GPR143: variants seen among roughly 807,000 people sequenced by gnomAD.
GPR143 encodes the protein G-protein coupled receptor 143.
In GPR143, 8 loss-of-function variants were observed where a neutral mutation model predicts 27.6. The observed-to-expected ratio is 0.29, with a 90% CI of 0.17 to 0.52. The LOEUF is 0.52. Among genes scored for constraint, GPR143 ranks in the 20% least tolerant of loss-of-function variants. GPR143 has a pLI of 0.96. For missense variants in GPR143, 303 were observed against 343.1 expected, an observed-to-expected ratio of 0.88 and a Z score of 0.92; for synonymous variants, 156 against 153.2, an observed-to-expected ratio of 1.02 and a Z score of -0.13.
intron 6 of GPR143, among the ~76,000 whole-genome samples, chrX:9,741,940 G>T (rs774492150): frequency 1.8e-5 from 2 of 111,318 alleles, no homozygotes; most frequent in South Asian, 7.6e-4. Flanking sequence ...AGCACACTAA[G>T]AATTTAATTT....
At chrX:9,762,261 G>A (rs1249786602) in intron 1 of GPR143, among the ~76,000 whole-genome samples, 2 of 109,628 alleles carry the variant, frequency 1.8e-5, no homozygotes, top group Admixed American at 9.8e-5. Flanking sequence ...ACGGTGGTGG[G>A]CACCTATAAT....
chrX:9,725,972 C>T (rs148614195), intron 8 of GPR143, 132 bp from the exon 9 acceptor site: 4 of 409,955 alleles, frequency 9.8e-6, no homozygotes, highest in Non-Finnish European at 8.8e-6. Flanking sequence ...TAGCATTCAT[C>T]TCATCTGCAA....
At chrX:9,729,383 C>T in intron 8 of GPR143, among the ~76,000 whole-genome samples, 1 of 111,674 alleles carries the variant, frequency 9.0e-6, no homozygotes, top group Non-Finnish European at 1.9e-5. Context: ...AGGACACTCC[C>T]CCGTGACCTC....
intron 1 of GPR143, among the ~76,000 whole-genome samples, chrX:9,777,968 G>A (rs1003215732): frequency 1.8e-5 from 2 of 110,517 alleles, no homozygotes; most frequent in Admixed American, 9.7e-5. Context: ...GTGGGCACCT[G>A]TAGTCCCAGC....
intron 1 of GPR143, among the ~76,000 whole-genome samples, chrX:9,763,079 C>T (rs2083510363): frequency 3.7e-5 from 4 of 109,133 alleles, no homozygotes; most frequent in Middle Eastern, 4.7e-3. Context: ...GTGCATCCCA[C>T]CATGACGGGC....
intron 2 of GPR143, among the ~76,000 whole-genome samples, chrX:9,759,808 G>A (rs1237557911): frequency 9.0e-6 from 1 of 111,592 alleles, no homozygotes; most frequent in East Asian, 2.8e-4. Context: ...GGAGTAAGGG[G>A]ACTCCAGTGT....
At chrX:9,733,680 A>C (rs1208204783) in intron 8 of GPR143, among the ~76,000 whole-genome samples, 1 of 111,742 alleles carries the variant, frequency 8.9e-6, no homozygotes, top group Non-Finnish European at 1.9e-5. Context: ...AAGAAGAGGA[A>C]TTGAGGGACA....
chrX:9,740,628 T>C (rs956937572), intron 7 of GPR143, among the ~76,000 whole-genome samples: 11 of 112,285 alleles, frequency 9.8e-5, no homozygotes, highest in African/African-American at 3.6e-4. Flanking sequence ...GTACTTGTAA[T>C]TGGTATAATT....
chrX:9,762,985 G>A (rs763207656), intron 1 of GPR143, among the ~76,000 whole-genome samples: 2 of 111,255 alleles, frequency 1.8e-5, no homozygotes, highest in Non-Finnish European at 3.8e-5. Context: ...TGTCACCCAG[G>A]CTGGATCGTA....
At position 9,749,507 on chromosome X, in the gene GPR143, G is replaced by C. The variant is rs147666006; in HGVS notation, c.456-841C>G. Among the ~76,000 whole-genome samples the C allele has an allele frequency of 3.7e-3, 409 of 111,699 alleles. 1 individual carries two copies. Among genetic ancestry groups the C allele is most frequent in the South Asian group, 0.034 (88 of 2,619 alleles). On this transcript the variant is annotated intron_variant, in intron 3 of 8. Transcript: ENST00000467482. ...TGTCTCTGTGGATTTGCATGTTCTG[G>C]ATATTTCATGTAAATGGAAATATAT...
intron 8 of GPR143, among the ~76,000 whole-genome samples, chrX:9,727,460 A>G (rs181267321): frequency 5.3e-4 from 59 of 111,707 alleles, no homozygotes; most frequent in African/African-American, 1.8e-3. Context: ...GGCCCATGCA[A>G]GCTGGGTGGG....
intron 3 of GPR143, among the ~76,000 whole-genome samples, chrX:9,752,785 G>T (rs1312530242): frequency 9.0e-6 from 1 of 111,342 alleles, no homozygotes; most frequent in East Asian, 2.8e-4. Context: ...GTTGAAGGTT[G>T]CAGTGAGCTG....
intron 4 of GPR143, among the ~76,000 whole-genome samples, chrX:9,746,434 C>T (rs1301065534): frequency 2.7e-5 from 3 of 110,089 alleles, no homozygotes; most frequent in Non-Finnish European, 5.7e-5. Flanking sequence ...GGGAAAAGAT[C>T]GGAAAGAAAA....
chrX:9,767,028 CCTTAA>C (rs932966662), upstream of GPR143, among the ~76,000 whole-genome samples: 6 of 110,499 alleles, frequency 5.4e-5, no homozygotes, highest in Non-Finnish European at 7.6e-5. Context: ...ACATTTTGCA[CCTTAA>C]CTTTCAGTTC....
Position 9,762,828 on chromosome X carries a change from G to A in GPR143, c.251-2002C>T, listed in dbSNP as rs113139714. Among the ~76,000 whole-genome samples, 476 of 111,507 alleles carry A rather than the reference G, an allele frequency of 4.3e-3. 2 individuals carry two copies. Among genetic ancestry groups the A allele is most frequent in the African/African-American group, 0.013 (410 of 30,667 alleles). On this transcript the variant is annotated intron_variant, in intron 1 of 8. Transcript: ENST00000467482. ...TTCTTATTTTTCAGTAAGGGGTCCC[G>A]ATCACCCAGCCTTTTCCTGACTTCT...
At chrX:9,752,140 C>T (rs1208024503) in intron 3 of GPR143, among the ~76,000 whole-genome samples, 3 of 112,646 alleles carry the variant, frequency 2.7e-5, no homozygotes, top group Non-Finnish European at 3.7e-5. Flanking sequence ...ACAATGATAG[C>T]TCACAGTAAC....
chrX:9,745,453 G>A (rs1472058131), intron 5 of GPR143, among the ~76,000 whole-genome samples: 1 of 112,020 alleles, frequency 8.9e-6, no homozygotes, highest in Non-Finnish European at 1.9e-5. Context: ...GCCTGAGGAG[G>A]TGGGAGGCTC....
chrX:9,733,672 GAA>G (rs1362495383), intron 8 of GPR143, among the ~76,000 whole-genome samples: 2 of 111,846 alleles, frequency 1.8e-5, no homozygotes, highest in Non-Finnish European at 3.8e-5. Flanking sequence ...TTATGGGAAA[GAA>G]GAGGAATTGA....
intron 1 of GPR143, among the ~76,000 whole-genome samples, chrX:9,761,062 CTCATAAAATAACTTTTTTTTATTT>C: frequency 9.0e-6 from 1 of 110,974 alleles, no homozygotes; most frequent in Non-Finnish European, 1.9e-5. Context: ...AAGATTGAAA[CTCATAAAATAACTTTTTTTTATTT>C]TTATTTTTTA....
Sources: allele counts gnomAD v4.1 joint callset (sites outside exome capture counted in the v4.1 genomes callset), GRCh38; gene constraint gnomAD v4.1.1; transcripts MANE v1.5; gene names NCBI Gene and HGNC (gene_info 2026-07-23, HGNC 2026-07-21).